The following CORO1B variants were observed in gnomAD, a reference collection of about 807,000 sequenced individuals.
The protein encoded by CORO1B is coronin 1B.
A neutral mutation model predicts 51.1 loss-of-function variants in CORO1B; 30 were observed. That is an observed-to-expected ratio of 0.59 (90% CI 0.44 to 0.80). The LOEUF is 0.80. Ranked by LOEUF, CORO1B falls within the 30% of genes least tolerant of loss-of-function variation. The probability of loss-of-function intolerance (pLI) is 0.00; values close to 1 mark genes in which losing one functional copy is unlikely to be tolerated. For synonymous variants in CORO1B, 310 were observed against 289.7 expected, an observed-to-expected ratio of 1.07 and a Z score of -0.71; for missense variants, 648 against 700.4, an observed-to-expected ratio of 0.93 and a Z score of 0.84.
Position 67,443,418 on chromosome 11 carries a change from G to A in CORO1B, c.-17C>T, listed in dbSNP as rs1014445224. 1 of 978,918 alleles carries A rather than the reference G, an allele frequency of 1.0e-6. No homozygotes were observed. The highest frequency in any genetic ancestry group is 1.2e-6 in the Non-Finnish European group (1 of 823,454). 60.6% of individuals were successfully genotyped at this position (978,918 alleles called of 1,614,324 possible). ...GCCGCGCTCACCGGGGGCACCGGGG[G>A]CGCAGGGGGCTGCGGCACCGGCTTC... is the stretch of plus-strand genomic sequence containing the variant. On this transcript the variant is annotated 5_prime_UTR_variant, in exon 1 of 11. Transcript: ENST00000341356.
rs748409349 is a variant in CORO1B at position 67,438,866 on chromosome 11, C to T, written c.1149G>A (p.Arg383=). 2.5e-6 allele frequency: 4 copies of T among 1,608,328 alleles called. No homozygotes were observed. Among genetic ancestry groups the T allele is most frequent in the Non-Finnish European group, 3.4e-6 (4 of 1,178,624 alleles). Residue 383 remains arginine, a synonymous_variant, in exon 10 of 11, where the codon CGG becomes CGA. Coordinates refer to ENST00000341356, the MANE Select transcript of CORO1B (RefSeq NM_020441.3). ...ALEAEEWVSG[R]DADPILISLR... ...GTGAGATGAGGATCGGGTCGGCATC[C>T]CGCCCGCTCACCCACTCCTCAGCCT...
rs1433465005 is a variant in CORO1B at position 67,442,104 on chromosome 11, G to T, written c.202-16C>A. On this transcript the variant is annotated splice_polypyrimidine_tract_variant and intron_variant, in intron 2 of 10. Transcript: ENST00000341356. Reference sequence around the variant, plus strand: ...TGCGGCCCGTCTGTGGGCACGAGGGGGCAGTCAGTGGGCTCCATCCCTCCC... The same window carrying T: ...TGCGGCCCGTCTGTGGGCACGAGGGTGCAGTCAGTGGGCTCCATCCCTCCC... 5.0e-6 allele frequency: 8 copies of T among 1,605,884 alleles called. No homozygotes were observed. Among genetic ancestry groups the T allele is most frequent in the South Asian group, 1.1e-5 (1 of 91,004 alleles).
Position 67,438,109 on chromosome 11 carries a change from TG to T in CORO1B, c.*266del, listed in dbSNP as rs1287857474. The T allele has an allele frequency of 1.7e-5, 7 of 412,704 alleles. No homozygotes were observed. The highest frequency in any genetic ancestry group is 1.4e-4 in the African/African-American group (7 of 49,160). The allele number at this position is 412,704 out of a possible 1,614,324, so 25.6% of individuals were successfully genotyped here. On this transcript the variant is annotated 3_prime_UTR_variant, in exon 11 of 11. Coordinates refer to ENST00000341356, the MANE Select transcript of CORO1B (RefSeq NM_020441.3). ...ATAGAGCCCACCCTCCCGCCTCCTC[TG>T]GGGAGGGAGCAGAGGGCTGGGCAGT...
intron 6 of CORO1B, chr11:67,440,832 G>C (rs1864379441): frequency 4.5e-6 from 3 of 661,982 alleles, no homozygotes; most frequent in Non-Finnish European, 8.3e-6. Flanking sequence ...GAGGAGCGGG[G>C]AGCCCTGTGC....
At position 67,437,867 on chromosome 11, in the gene CORO1B, C is replaced by A. The variant is rs748478948; in HGVS notation, c.*509G>T. ...AGCAGCACCAACTTGAAGCTGGATG[C>A]AGCCTTGCATGTGTTCTCAGGTCTT... On this transcript the variant is annotated 3_prime_UTR_variant, in exon 11 of 11. Transcript: ENST00000341356. The A allele has an allele frequency of 6.3e-5, 25 of 395,026 alleles. No homozygotes were observed. Among genetic ancestry groups the A allele is most frequent in the Middle Eastern group, 6.2e-4 (1 of 1,612 alleles). The allele number at this position is 395,026 out of a possible 1,614,324, so 24.5% of individuals were successfully genotyped here.
At position 67,441,437 on chromosome 11, in the gene CORO1B, G is replaced by A. The variant is rs750753411; in HGVS notation, c.532C>T (p.Leu178Phe). The change falls in exon 5 of 11, where the codon CTC becomes TTC. Residue 178 changes from leucine to phenylalanine, a missense_variant. Leu to Phe is a conservative substitution (Grantham distance 22). Transcript: ENST00000341356. ...LYRLDSLHPDLIYNVSWNHNG... is the reference protein window; with the variant it reads ...LYRLDSLHPDFIYNVSWNHNG... Reference sequence around the variant, plus strand: ...TGGTTCCAGCTGACATTGTAGATGAGGTCAGGGTGCAGGCTGTCCAGGCGG... The same window carrying A: ...TGGTTCCAGCTGACATTGTAGATGAAGTCAGGGTGCAGGCTGTCCAGGCGG... The A allele has an allele frequency of 4.3e-6, 7 of 1,613,832 alleles. No homozygotes were observed. The African/African-American group carries it at 6.7e-5, about 15-fold the overall frequency.
intron 6 of CORO1B, chr11:67,440,834 G>A: frequency 1.5e-6 from 1 of 661,746 alleles, no homozygotes; most frequent in South Asian, 1.5e-5. Context: ...GGAGCGGGGA[G>A]CCCTGTGCAG....
Position 67,436,120 on chromosome 11 carries a change from C to T in CORO1B, c.*2256G>A, listed in dbSNP as rs748341544. On this transcript the variant is annotated 3_prime_UTR_variant, in exon 11 of 11. Coordinates refer to ENST00000341356, the MANE Select transcript of CORO1B (RefSeq NM_020441.3). Reference sequence around the variant, plus strand: ...GGGGGCTGGCCCAGAGCAGGCGCCGCGTGCGGCCCCACAGCGCGGCACCTA... The same window carrying T: ...GGGGGCTGGCCCAGAGCAGGCGCCGTGTGCGGCCCCACAGCGCGGCACCTA... 67 of 1,596,184 alleles carry T rather than the reference C, an allele frequency of 4.2e-5. No individual in the cohort carries two copies. The South Asian group carries it at 5.7e-4, about 14-fold the overall frequency.
intron 9 of CORO1B, among the ~76,000 whole-genome samples, chr11:67,439,425 C>T (rs1864353248): frequency 6.6e-6 from 1 of 152,254 alleles, no homozygotes; most frequent in Non-Finnish European, 1.5e-5. Flanking sequence ...CTCTCCATTC[C>T]CACCACTGTG....
intron 10 of CORO1B, 29 bp from the exon 11 acceptor site, chr11:67,438,530 G>T: frequency 6.3e-7 from 1 of 1,589,994 alleles, no homozygotes. Flanking sequence ...GGGGTAGGGG[G>T]CGGTGGTCAG....
intron 1 of CORO1B, among the ~76,000 whole-genome samples, 197 bp downstream of exon 1, chr11:67,443,207 A>T (rs1864431355): frequency 6.6e-6 from 1 of 152,122 alleles, no homozygotes; most frequent in Non-Finnish European, 1.5e-5. Flanking sequence ...TCCAGGGTGA[A>T]CCAGGAGCCC....
rs2135134214 is a variant in CORO1B, at chr11:67,436,042, A to G, written c.*2334T>C. 6.2e-7 allele frequency: 1 copy of G among 1,613,512 alleles called. No homozygotes were observed. The stretch of plus-strand genomic sequence containing the variant: ...TGTCCTGCTCATCCTCCTGTCGCTC[A>G]AGGTCATTGTCTGTGGACCCCAGCT... On this transcript the variant is annotated 3_prime_UTR_variant, in exon 11 of 11. Transcript: ENST00000341356.
In CORO1B at chr11:67,435,645, T is replaced by TG; in HGVS notation, c.*2730dup. On this transcript the variant is annotated 3_prime_UTR_variant, in exon 11 of 11. Transcript: ENST00000341356. Reference sequence around the variant, plus strand: ...CAGTCTGAGGCATGGTCATGTGGGCTGGGGGTCCAGTCCAGCCATGGCATC... The same window carrying TG: ...CAGTCTGAGGCATGGTCATGTGGGCTGGGGGGTCCAGTCCAGCCATGGCATC... The TG allele has an allele frequency of 1.3e-6, 2 of 1,486,126 alleles. No homozygotes were observed. Among genetic ancestry groups the TG allele is most frequent in the Non-Finnish European group, 1.8e-6 (2 of 1,124,016 alleles). 92.1% of individuals were successfully genotyped at this position (1,486,126 alleles called of 1,614,324 possible).
chr11:67,441,041 C>T (rs754950595), intron 6 of CORO1B, 84 bp downstream of exon 6: 1 of 1,598,138 alleles, frequency 6.3e-7, no homozygotes, highest in Non-Finnish European at 8.5e-7. Context: ...CTAGGAACCA[C>T]AGGCCTCCCC....
Position 67,438,957 on chromosome 11 carries a change from G to A in CORO1B, c.1066-8C>T. 6.3e-7 allele frequency: 1 copy of A among 1,594,176 alleles called. No homozygotes were observed. Among genetic ancestry groups the A allele is most frequent in the South Asian group, 1.1e-5 (1 of 89,780 alleles). On this transcript the variant is annotated splice_region_variant and splice_polypyrimidine_tract_variant and intron_variant, in intron 9 of 10. Transcript: ENST00000341356. ...ATCCTGGAAGAGGTCCGACTGGGCA[G>A]GGGGCCGGGGAGGTCAGGATCAGTT...
upstream of CORO1B, chr11:67,443,747 C>T: frequency 1.0e-6 from 1 of 985,288 alleles, no homozygotes; most frequent in Non-Finnish European, 1.2e-6. Context: ...GCGGGTGCAG[C>T]CTTACAGCGG....
chr11:67,440,289 T>C, intron 7 of CORO1B, 26 bp from the exon 8 acceptor site: 2 of 1,612,516 alleles, frequency 1.2e-6, no homozygotes, highest in South Asian at 1.1e-5. Flanking sequence ...GCTCAGCACC[T>C]GGGCACGCCT....
At position 67,442,005 on chromosome 11, in the gene CORO1B, G is replaced by A. The variant is rs143715095; in HGVS notation, c.285C>T (p.Asp95=). ...VLDIDWCPHN[D]EVIASGSEDC... ...CCTCCGAGCCGCTGGCTATGACTTC[G>A]TCGTTGTGAGGACACCAGTCGATGT... Residue 95 remains aspartate (D), a synonymous_variant, in exon 3 of 11, where the codon GAC becomes GAT. Coordinates refer to ENST00000341356, the MANE Select transcript of CORO1B (RefSeq NM_020441.3). The A allele has an allele frequency of 4.9e-5, 79 of 1,613,118 alleles. No homozygotes were observed. In the African/African-American group the frequency reaches 6.5e-4, roughly 13 times the overall value.
rs777727726 is a variant in CORO1B at position 67,438,713 on chromosome 11, A to G, written c.1302T>C (p.Thr434=). 3.9e-6 allele frequency: 6 copies of G among 1,556,446 alleles called. No homozygotes were observed. Among genetic ancestry groups the G allele is most frequent in the Middle Eastern group, 2.1e-4 (1 of 4,716 alleles). The change falls in exon 10 of 11, where the codon ACT becomes ACC. Residue 434 remains threonine (T), a synonymous_variant. Transcript: ENST00000341356. The part of the protein sequence containing the change: ...SHLGAPASTT[T]AADATPSGSL... ...TGCCGCTGGGGGTGGCATCAGCAGC[A>G]GTGGTGGTGGAGGCGGGGGCCCCTA...
Sources: allele counts gnomAD v4.1 joint callset (sites outside exome capture counted in the v4.1 genomes callset), GRCh38; gene constraint gnomAD v4.1.1; transcripts MANE v1.5; gene names NCBI Gene and HGNC (gene_info 2026-07-23, HGNC 2026-07-21).